Variants in PTPRD observed in about 807,000 individuals in gnomAD.
The protein encoded by PTPRD is receptor-type tyrosine-protein phosphatase delta.
Under a neutral mutation model 214.5 loss-of-function variants are expected in PTPRD, and 34 were observed. The observed-to-expected ratio is 0.16, with a 90% CI of 0.12 to 0.21. PTPRD has a LOEUF of 0.21. PTPRD is among the 10% of genes least tolerant of loss of function. The pLI is 1.00. For synonymous variants in PTPRD, 1,128 were observed against 845.7 expected, an observed-to-expected ratio of 1.33 and a Z score of -5.79; for missense variants, 2,545 against 2,398.7, an observed-to-expected ratio of 1.06 and a Z score of -1.27.
chr9:10,406,481 A>G (rs190342325), intron 2 of PTPRD, among the ~76,000 whole-genome samples: 8 of 151,718 alleles, frequency 5.3e-5, no homozygotes, highest in Non-Finnish European at 1.2e-4. Flanking sequence ...AAAAATCTTG[A>G]CAACATTCTG....
intron 11 of PTPRD, among the ~76,000 whole-genome samples, chr9:8,969,398 A>G (rs911633640): frequency 1.3e-5 from 2 of 152,070 alleles, no homozygotes; most frequent in Non-Finnish European, 2.9e-5. Flanking sequence ...CTTTTCCTCA[A>G]ATATGAAAGG....
At chr9:9,567,108 C>A (rs2084795124) in intron 8 of PTPRD, among the ~76,000 whole-genome samples, 1 of 151,836 alleles carries the variant, frequency 6.6e-6, no homozygotes, top group Admixed American at 6.6e-5. Context: ...ACATAGGTCA[C>A]CTGAAGATTC....
chr9:8,987,014 GCA>G lies in PTPRD; in HGVS notation c.-104+31681_-104+31682del, dbSNP rs757688440. ...GCTTCCTGGTTTATATTTGTTATTTGCAACCCAAAGATGGTCACTAATAAATA... is the reference window on the plus strand; with the variant it reads ...GCTTCCTGGTTTATATTTGTTATTTGACCCAAAGATGGTCACTAATAAATA... On this transcript the variant is annotated intron_variant, in intron 11 of 45. Transcript: ENST00000381196. 1.4e-3 allele frequency among the ~76,000 whole-genome samples: 209 copies of G among 152,020 alleles called. 1 individual carries two copies. The highest frequency in any genetic ancestry group is 1.8e-3 in the Non-Finnish European group (120 of 67,984).
intron 5 of PTPRD, among the ~76,000 whole-genome samples, chr9:9,784,962 G>C (rs1597730701): frequency 6.6e-6 from 1 of 151,386 alleles, no homozygotes; most frequent in African/African-American, 2.4e-5. Context: ...GCTATGTACA[G>C]GGTTTGGGTG....
At chr9:10,553,518 TA>T (rs2061810576) in intron 2 of PTPRD, among the ~76,000 whole-genome samples, 1 of 152,080 alleles carries the variant, frequency 6.6e-6, no homozygotes, top group Non-Finnish European at 1.5e-5. Context: ...AATATGCAAG[TA>T]TGTACATATT....
chr9:10,509,694 T>G (rs2047365295), intron 2 of PTPRD, among the ~76,000 whole-genome samples: 1 of 151,020 alleles, frequency 6.6e-6, no homozygotes, highest in Non-Finnish European at 1.5e-5. Flanking sequence ...ATTGACTGTA[T>G]GTCCAAGGAG....
chr9:9,390,162 C>T (rs2065294712), intron 9 of PTPRD, among the ~76,000 whole-genome samples: 1 of 152,048 alleles, frequency 6.6e-6, no homozygotes, highest in South Asian at 2.1e-4. Context: ...ATTCCTGGGA[C>T]AGCGGGGAAG....
intron 9 of PTPRD, among the ~76,000 whole-genome samples, chr9:9,326,033 G>T (rs1462840668): frequency 6.6e-6 from 1 of 151,992 alleles, no homozygotes; most frequent in Admixed American, 6.6e-5. Context: ...TTGCATCCCA[G>T]GGATGAAGCC....
At chr9:9,422,367 T>C (rs2079130690) in intron 8 of PTPRD, among the ~76,000 whole-genome samples, 2 of 152,132 alleles carry the variant, frequency 1.3e-5, no homozygotes, top group African/African-American at 4.8e-5. Context: ...GTTGCATTAT[T>C]TTCATTTCTA....
At chr9:9,204,465 A>T (rs1231820926) in intron 9 of PTPRD, among the ~76,000 whole-genome samples, 1 of 152,176 alleles carries the variant, frequency 6.6e-6, no homozygotes, top group East Asian at 1.9e-4. Flanking sequence ...AGCCTAGCTC[A>T]GACACTTTAC....
intron 3 of PTPRD, among the ~76,000 whole-genome samples, chr9:10,166,576 T>C (rs1222919245): frequency 6.6e-6 from 1 of 151,984 alleles, no homozygotes; most frequent in Non-Finnish European, 1.5e-5. Context: ...GGCTGACTAA[T>C]GTGAATTTCT....
intron 3 of PTPRD, among the ~76,000 whole-genome samples, chr9:10,248,360 G>A (rs1053242404): frequency 6.6e-6 from 1 of 151,948 alleles, no homozygotes; most frequent in African/African-American, 2.4e-5. Context: ...TCTAAGTTAG[G>A]AAGTTTTGGC....
At chr9:8,959,241 T>C (rs1174679668) in intron 11 of PTPRD, among the ~76,000 whole-genome samples, 1 of 151,750 alleles carries the variant, frequency 6.6e-6, no homozygotes, top group Non-Finnish European at 1.5e-5. Flanking sequence ...TTTTTATGAG[T>C]GCTATGAGTG....
intron 32 of PTPRD, among the ~76,000 whole-genome samples, chr9:8,462,881 T>C (rs900078997): frequency 6.6e-6 from 1 of 151,928 alleles, no homozygotes; most frequent in Non-Finnish European, 1.5e-5. Flanking sequence ...AACTACAGAC[T>C]CCTAGAAGGT....
At position 10,180,684 on chromosome 9, in the gene PTPRD, C is replaced by G. The variant is rs189513373; in HGVS notation, c.-544-146894G>C. Among the ~76,000 whole-genome samples, 397 of 149,440 alleles carry G rather than the reference C, an allele frequency of 2.7e-3. 3 individuals are homozygous for G. The highest frequency in any genetic ancestry group is 0.021 in the Middle Eastern group (6 of 282). On this transcript the variant is annotated intron_variant, in intron 3 of 45. Transcript: ENST00000381196. Reference sequence around the variant, plus strand: ...AATACTAAAAAAATAGATTAGCTTACCAAATCAACAGTATATTATTAAAAT... The same window carrying G: ...AATACTAAAAAAATAGATTAGCTTAGCAAATCAACAGTATATTATTAAAAT...
intron 10 of PTPRD, among the ~76,000 whole-genome samples, chr9:9,083,178 A>C (rs1277369763): frequency 1.3e-5 from 2 of 152,204 alleles, no homozygotes. Flanking sequence ...TAACCAAAAC[A>C]GCATGATACT....
chr9:9,345,375 G>T (rs2048401280), intron 9 of PTPRD, among the ~76,000 whole-genome samples: 1 of 152,040 alleles, frequency 6.6e-6, no homozygotes, highest in Non-Finnish European at 1.5e-5. Flanking sequence ...TTTTTGATCA[G>T]TATGAGACAT....
chr9:10,054,762 T>C (rs1003972152), intron 3 of PTPRD, among the ~76,000 whole-genome samples: 1 of 152,116 alleles, frequency 6.6e-6, no homozygotes, highest in Non-Finnish European at 1.5e-5. Flanking sequence ...TCCTACCTTT[T>C]GTTTTAGTAA....
intron 10 of PTPRD, among the ~76,000 whole-genome samples, chr9:9,030,276 C>CTTTTTTTTTTTTT (rs71317396): frequency 1.1e-4 from 4 of 37,928 alleles, no homozygotes; most frequent in African/African-American, 3.3e-4. Context: ...CACACTTGGG[C>CTTTTTTTTTTTTT]TTTTTTTTTT....
Sources: allele counts gnomAD v4.1 joint callset (sites outside exome capture counted in the v4.1 genomes callset), GRCh38; gene constraint gnomAD v4.1.1; transcripts MANE v1.5; gene names NCBI Gene and HGNC (gene_info 2026-07-23, HGNC 2026-07-21).